Variants in APOOL observed in about 807,000 individuals in gnomAD.
APOOL encodes apolipoprotein O like.
APOOL carries 12 observed loss-of-function variants against 23.1 expected under a neutral mutation model. The ratio of observed to expected loss-of-function variants is 0.52; its 90% confidence interval spans 0.33 to 0.84. The LOEUF (loss-of-function observed/expected upper bound fraction) is 0.84, where lower values mean the gene tolerates loss of function less well. APOOL is among the 40% of genes least tolerant of loss of function. The pLI, the probability that APOOL is intolerant of heterozygous loss-of-function variation, is 0.02. For synonymous variants in APOOL, 77 were observed against 69.9 expected, an observed-to-expected ratio of 1.10 and a Z score of -0.51; for missense variants, 212 against 199.6, an observed-to-expected ratio of 1.06 and a Z score of -0.37.
At chrX:85,021,416 A>G (rs1921660184) in intron 1 of APOOL, among the ~76,000 whole-genome samples, 1 of 110,806 alleles carries the variant, frequency 9.0e-6, no homozygotes, top group Non-Finnish European at 1.9e-5. Context: ...CCATAATCCT[A>G]GGCTTCAGAC....
At position 85,091,733 on chromosome X, in the gene APOOL, G is replaced by A. The variant is rs768709575; in HGVS notation, c.*4055G>A. 5 of 111,877 alleles carry A rather than the reference G, an allele frequency of 4.5e-5. No individual in the cohort carries two copies. The South Asian group carries it at 1.9e-3, about 42-fold the overall frequency. 9.2% of individuals were successfully genotyped at this position (111,877 alleles called of 1,213,427 possible). ...TGTAGTACTGGGATGATGTCAAGGAGGCAGTGGTACTTAAGCTGCTCAAGG... is the reference window on the plus strand; with the variant it reads ...TGTAGTACTGGGATGATGTCAAGGAAGCAGTGGTACTTAAGCTGCTCAAGG... On this transcript the variant is annotated 3_prime_UTR_variant, in exon 9 of 9. Coordinates refer to ENST00000373173, the MANE Select transcript of APOOL (RefSeq NM_198450.6).
intron 1 of APOOL, among the ~76,000 whole-genome samples, chrX:85,039,953 G>A (rs1218730063): frequency 9.0e-6 from 1 of 111,668 alleles, no homozygotes; most frequent in Non-Finnish European, 1.9e-5. Context: ...GTTGTTAGCG[G>A]GTTAATATGC....
chrX:85,039,058 C>T (rs1922321799), intron 1 of APOOL, among the ~76,000 whole-genome samples: 1 of 110,684 alleles, frequency 9.0e-6, no homozygotes, highest in Non-Finnish European at 1.9e-5. Flanking sequence ...AAACTTTCCT[C>T]TTAATAGTGC....
chrX:85,046,621 TTA>T, intron 2 of APOOL, 71 bp downstream of exon 2: 1 of 879,261 alleles, frequency 1.1e-6, no homozygotes, highest in Non-Finnish European at 1.6e-6. Flanking sequence ...TTTTTTAAAA[TTA>T]TCTTTGCCCA....
intron 8 of APOOL, among the ~76,000 whole-genome samples, chrX:85,081,083 C>T (rs1279657446): frequency 9.0e-6 from 1 of 111,536 alleles, no homozygotes; most frequent in African/African-American, 3.3e-5. Flanking sequence ...GGGCATTTAG[C>T]CCATTTACAT....
intron 1 of APOOL, among the ~76,000 whole-genome samples, chrX:85,041,715 T>C (rs2147641554): frequency 9.0e-6 from 1 of 111,251 alleles, no homozygotes; most frequent in South Asian, 4.0e-4. Flanking sequence ...TCTGGAGGCC[T>C]TGGGAATAGA....
intron 1 of APOOL, among the ~76,000 whole-genome samples, chrX:85,017,167 C>T (rs1010521298): frequency 8.1e-5 from 9 of 111,699 alleles, no homozygotes; most frequent in African/African-American, 2.9e-4. Context: ...TCTTCTTGCA[C>T]GGGGCTTGCA....
intron 1 of APOOL, chrX:85,046,179 CATA>C (rs1481352161): frequency 1.8e-5 from 4 of 216,597 alleles, no homozygotes; most frequent in African/African-American, 5.9e-5. Flanking sequence ...TATATTATTA[CATA>C]ATAATATTCC....
At chrX:85,057,616 C>CAT (rs1923023023) in intron 5 of APOOL, among the ~76,000 whole-genome samples, 1 of 104,546 alleles carries the variant, frequency 9.6e-6, no homozygotes, top group African/African-American at 3.5e-5. Flanking sequence ...GGATGATATA[C>CAT]ATATATCTCA....
intron 1 of APOOL, among the ~76,000 whole-genome samples, chrX:85,039,560 A>C (rs1922339943): frequency 9.0e-6 from 1 of 111,520 alleles, no homozygotes; most frequent in African/African-American, 3.3e-5. Context: ...GTAGGTATCT[A>C]AGAACTAGAA....
chrX:85,061,088 G>C (rs1923199863), intron 5 of APOOL, among the ~76,000 whole-genome samples: 1 of 111,417 alleles, frequency 9.0e-6, no homozygotes, highest in African/African-American at 3.3e-5. Context: ...TTTTTAGCAT[G>C]AAGATTTGTT....
chrX:85,005,251 C>T (rs964469085), intron 1 of APOOL, among the ~76,000 whole-genome samples: 1 of 110,849 alleles, frequency 9.0e-6, no homozygotes, highest in Admixed American at 9.6e-5. Flanking sequence ...TCAGGCGATT[C>T]TCCTGCCTCA....
At chrX:85,085,821 A>G (rs984478421) in intron 8 of APOOL, among the ~76,000 whole-genome samples, 10 of 111,953 alleles carry the variant, frequency 8.9e-5, no homozygotes, top group African/African-American at 2.9e-4. Flanking sequence ...TATCATGTTT[A>G]GTACTAAAAC....
intron 6 of APOOL, among the ~76,000 whole-genome samples, chrX:85,069,085 G>A (rs1032602851): frequency 8.1e-5 from 9 of 111,289 alleles, no homozygotes; most frequent in African/African-American, 2.9e-4. Context: ...TTCTTCTAGG[G>A]TAAATAATAA....
intron 2 of APOOL, among the ~76,000 whole-genome samples, chrX:85,050,865 CTA>C (rs1922741790): frequency 9.0e-6 from 1 of 110,735 alleles, no homozygotes; most frequent in African/African-American, 3.3e-5. Context: ...TGAATTTTTA[CTA>C]TTATTCCCCT....
At chrX:85,061,084 G>A (rs758508038) in intron 5 of APOOL, among the ~76,000 whole-genome samples, 24 of 111,249 alleles carry the variant, frequency 2.2e-4, no homozygotes, top group African/African-American at 7.5e-4. Context: ...AGAGTTTTTA[G>A]CATGAAGATT....
chrX:85,060,359 G>A (rs1180024394), intron 5 of APOOL, among the ~76,000 whole-genome samples: 17 of 106,297 alleles, frequency 1.6e-4, no homozygotes, highest in Admixed American at 8.2e-4. Flanking sequence ...TTGGCGATGC[G>A]GGCTCTTTTT....
intron 8 of APOOL, 25 bp downstream of exon 8, chrX:85,074,416 G>T (rs1923775380): frequency 8.3e-7 from 1 of 1,201,153 alleles, no homozygotes. Context: ...AGTCAATTTT[G>T]TTTTCATTCT....
rs756382795 is a variant in APOOL at position 85,089,536 on chromosome X, T to C, written c.*1858T>C. The C allele has an allele frequency of 1.8e-5, 2 of 111,883 alleles. No homozygotes were observed. The highest frequency in any genetic ancestry group is 3.8e-5 in the Non-Finnish European group (2 of 53,202). The allele number at this position is 111,883 out of a possible 1,213,427, so 9.2% of individuals were successfully genotyped here. On this transcript the variant is annotated 3_prime_UTR_variant, in exon 9 of 9. Transcript: ENST00000373173. Reference sequence around the variant, plus strand: ...CTCTTGCTCTGAATCCCTTAAATGCTGAGGCTGCTCAAGTTTCATCCCTAG... The same window carrying C: ...CTCTTGCTCTGAATCCCTTAAATGCCGAGGCTGCTCAAGTTTCATCCCTAG...
Sources: gnomAD v4.1 joint callset for allele counts (sites outside exome capture counted in the v4.1 genomes callset) on GRCh38, gnomAD v4.1.1 for gene constraint, MANE v1.5 for transcripts, NCBI Gene and HGNC (gene_info 2026-07-23, HGNC 2026-07-21) for gene names.